PKP4: variants seen among roughly 807,000 people sequenced by gnomAD.
The protein encoded by PKP4 is plakophilin-4.
A neutral mutation model predicts 145.1 loss-of-function variants in PKP4; 90 were observed. That is an observed-to-expected ratio of 0.62 (90% CI 0.52 to 0.74). The LOEUF is 0.74. Ranked by LOEUF, PKP4 falls within the 30% of genes least tolerant of loss-of-function variation. PKP4 has a pLI of 0.00. For missense variants in PKP4, 1,340 were observed against 1,482.7 expected (o/e 0.90, Z 1.58); for synonymous variants, 563 against 577.2 (o/e 0.98, Z 0.35).
intron 11 of PKP4, among the ~76,000 whole-genome samples, chr2:158,656,217 C>G (rs2055902345): frequency 6.6e-6 from 1 of 152,270 alleles, no homozygotes; most frequent in African/African-American, 2.4e-5. Context: ...AGCAAAACCC[C>G]CAGGATCCAG....
chr2:158,473,049 G>T (rs537304193), intron 1 of PKP4, among the ~76,000 whole-genome samples: 1 of 152,100 alleles, frequency 6.6e-6, no homozygotes, highest in Non-Finnish European at 1.5e-5. Flanking sequence ...CAACAAGCAC[G>T]TAAAAAAAAG....
chr2:158,662,651 C>T (rs1423766485), intron 13 of PKP4: 4 of 340,528 alleles, frequency 1.2e-5, no homozygotes, highest in Non-Finnish European at 2.1e-5. Flanking sequence ...GCCGGAGCCT[C>T]AAGCATTTCG....
chr2:158,625,224 C>A lies in PKP4; in HGVS notation c.950C>A (p.Thr317Asn), dbSNP rs2052650481. 1 of 1,614,196 alleles carries A rather than the reference C, an allele frequency of 6.2e-7. No individual in the cohort carries two copies. Reference sequence around the variant, plus strand: ...ACCGCCAGAGTGGGGTCCCCACTGACCCTGACGGATGCACAGACTCGAGTA... The same window carrying A: ...ACCGCCAGAGTGGGGTCCCCACTGAACCTGACGGATGCACAGACTCGAGTA... The part of the protein sequence containing the change: ...QTTARVGSPL[T>N]LTDAQTRVAS... The change falls in exon 7 of 22, where the codon ACC becomes AAC. Residue 317 changes from threonine to asparagine, a missense_variant. Coordinates refer to ENST00000389759, the MANE Select transcript of PKP4 (RefSeq NM_003628.6).
At chr2:158,462,098 A>C (rs775076683) in intron 1 of PKP4, among the ~76,000 whole-genome samples, 2 of 152,346 alleles carry the variant, frequency 1.3e-5, no homozygotes, top group Non-Finnish European at 2.9e-5. Flanking sequence ...AGAAACCCAC[A>C]ATCAGTTTAC....
intron 1 of PKP4, among the ~76,000 whole-genome samples, chr2:158,472,023 T>A (rs1243609210): frequency 6.6e-6 from 1 of 152,154 alleles, no homozygotes; most frequent in African/African-American, 2.4e-5. Flanking sequence ...TGAAAGTGAA[T>A]CAATAGGAAG....
rs2058369784 is a variant in PKP4, at chr2:158,680,469, A to G, written c.3371A>G (p.Lys1124Arg). 6.2e-7 allele frequency: 1 copy of G among 1,612,908 alleles called. No homozygotes were observed. Among genetic ancestry groups the G allele is most frequent in the African/African-American group, 1.3e-5 (1 of 74,898 alleles). The change falls in exon 22 of 22, where the codon AAG becomes AGG. Residue 1124 changes from lysine to arginine, a missense_variant. Transcript: ENST00000389759. ...LYYSQDDSNR[K>R]NFDAYRLYLQ... Reference sequence around the variant, plus strand: ...TATAGTCAAGATGACTCCAACAGAAAGAACTTTGATGCATACAGATTGTAT... The same window carrying G: ...TATAGTCAAGATGACTCCAACAGAAGGAACTTTGATGCATACAGATTGTAT...
chr2:158,605,035 T>G (rs1267738360), intron 4 of PKP4, among the ~76,000 whole-genome samples: 1 of 152,146 alleles, frequency 6.6e-6, no homozygotes, highest in East Asian at 1.9e-4. Flanking sequence ...AGATGCAGTG[T>G]TATTTCCCCC....
chr2:158,661,218 G>A (rs1232506345), intron 12 of PKP4, 115 bp from the exon 13 acceptor site: 3 of 710,364 alleles, frequency 4.2e-6, no homozygotes, highest in Non-Finnish European at 2.5e-6. Flanking sequence ...TGCCTCCTCC[G>A]ACCTCTAAGT....
rs2106039329 is a variant in PKP4 at position 158,680,722 on chromosome 2, C to T, written c.*45C>T. The T allele has an allele frequency of 6.6e-7, 1 of 1,507,674 alleles. No individual in the cohort carries two copies. Among genetic ancestry groups the T allele is most frequent in the Non-Finnish European group, 8.9e-7 (1 of 1,122,636 alleles). 93.4% of individuals were successfully genotyped at this position (1,507,674 alleles called of 1,614,324 possible). ...GGAACTCTTTCTTTCTAACCTTGTTCAGATTGAGGTGAAAAGTCCATCTTG... is the reference window on the plus strand; with the variant it reads ...GGAACTCTTTCTTTCTAACCTTGTTTAGATTGAGGTGAAAAGTCCATCTTG... On this transcript the variant is annotated 3_prime_UTR_variant, in exon 22 of 22. Coordinates refer to ENST00000389759, the MANE Select transcript of PKP4 (RefSeq NM_003628.6).
intron 11 of PKP4, among the ~76,000 whole-genome samples, chr2:158,655,797 G>T (rs2055856256): frequency 6.6e-6 from 1 of 152,184 alleles, no homozygotes; most frequent in East Asian, 1.9e-4. Context: ...ATGACTTCTG[G>T]GCTGCATGCT....
chr2:158,643,358 C>T (rs1279005428), intron 11 of PKP4, among the ~76,000 whole-genome samples: 2 of 152,150 alleles, frequency 1.3e-5, no homozygotes, highest in Non-Finnish European at 2.9e-5. Context: ...TAGTTACAAG[C>T]TCCGAAACAG....
At chr2:158,476,309 G>A (rs1026936878) in intron 1 of PKP4, among the ~76,000 whole-genome samples, 3 of 152,052 alleles carry the variant, frequency 2.0e-5, no homozygotes, top group Non-Finnish European at 2.9e-5. Context: ...TTGAATTGGG[G>A]GCTCATCCTC....
At chr2:158,666,385 T>C in intron 15 of PKP4, 28 bp from the exon 16 acceptor site, 1 of 1,544,154 alleles carries the variant, frequency 6.5e-7, no homozygotes, top group Non-Finnish European at 8.7e-7. Context: ...CTGTTTTATG[T>C]TACTTCCTGC....
chr2:158,501,334 A>G (rs1419773875), intron 1 of PKP4, among the ~76,000 whole-genome samples: 2 of 152,236 alleles, frequency 1.3e-5, no homozygotes, highest in African/African-American at 4.8e-5. Flanking sequence ...CTCTCTGGAT[A>G]TCCACTGACA....
At chr2:158,653,404 A>G (rs1479127745) in intron 11 of PKP4, among the ~76,000 whole-genome samples, 1 of 152,238 alleles carries the variant, frequency 6.6e-6, no homozygotes, top group Non-Finnish European at 1.5e-5. Flanking sequence ...AAAATTGTGC[A>G]GCATAGGATT....
At chr2:158,533,512 G>A in intron 2 of PKP4, 196 bp downstream of exon 2, 2 of 674,606 alleles carry the variant, frequency 3.0e-6, no homozygotes, top group Non-Finnish European at 5.5e-6. Flanking sequence ...ATCGGAACAT[G>A]CAGGATACTT....
At chr2:158,597,981 C>T (rs1422338120) in intron 3 of PKP4, among the ~76,000 whole-genome samples, 5 of 84,648 alleles carry the variant, frequency 5.9e-5, no homozygotes, top group South Asian at 1.0e-3. Context: ...TCACCATGCC[C>T]GGCAATTTTT....
At chr2:158,680,334 TA>T in intron 21 of PKP4, 94 bp from the exon 22 acceptor site, 1 of 933,424 alleles carries the variant, frequency 1.1e-6, no homozygotes, top group Non-Finnish European at 1.6e-6. Context: ...AATATTGCTT[TA>T]AAAATATGAA....
chr2:158,672,684 A>T (rs6713367), intron 17 of PKP4, among the ~76,000 whole-genome samples: 10,991 of 152,232 alleles, frequency 0.072, 969 homozygotes, highest in African/African-American at 0.21. Context: ...ATTTGGAAAT[A>T]AAAAGGTTAG....
Sources: gnomAD v4.1 joint callset for allele counts (sites outside exome capture counted in the v4.1 genomes callset) on GRCh38, gnomAD v4.1.1 for gene constraint, MANE v1.5 for transcripts, NCBI Gene and HGNC (gene_info 2026-07-23, HGNC 2026-07-21) for gene names.